Variants in PDE7B observed in about 807,000 individuals in gnomAD.
PDE7B encodes 3',5'-cyclic-AMP phosphodiesterase 7B.
Under a neutral mutation model 56.2 loss-of-function variants are expected in PDE7B, and 29 were observed. That is an observed-to-expected ratio of 0.52 (90% CI 0.38 to 0.70). PDE7B has a LOEUF of 0.70. PDE7B is among the 30% of genes least tolerant of loss of function. The probability of loss-of-function intolerance (pLI) is 0.00; values close to 1 mark genes in which losing one functional copy is unlikely to be tolerated. For synonymous variants in PDE7B, 197 were observed against 196.9 expected, an observed-to-expected ratio of 1.00 and a Z score of 0.00; for missense variants, 490 against 565.0, an observed-to-expected ratio of 0.87 and a Z score of 1.35.
intron 2 of PDE7B, among the ~76,000 whole-genome samples, chr6:136,103,263 A>G (rs1317537791): frequency 2.0e-5 from 3 of 152,216 alleles, no homozygotes; most frequent in Non-Finnish European, 4.4e-5. Flanking sequence ...GGGTCTAATC[A>G]GCCATCTTGG....
At chr6:136,044,818 T>A (rs1340755986) in intron 2 of PDE7B, 1 of 152,064 alleles carries the variant, frequency 6.6e-6, no homozygotes, top group Non-Finnish European at 1.5e-5. Context: ...GTGCAAAAGG[T>A]GTGTGTTTAC....
Position 136,151,161 on chromosome 6 carries a change from A to C in PDE7B, c.384A>C (p.Gly128=), listed in dbSNP as rs756866168. The C allele has an allele frequency of 1.9e-6, 3 of 1,587,014 alleles. No individual in the cohort carries two copies. The South Asian group carries it at 3.3e-5, about 18-fold the overall frequency. The change falls in exon 6 of 13, where the codon GGA becomes GGC. Residue 128 remains glycine (G), a splice_region_variant and synonymous_variant. Coordinates refer to ENST00000308191, the MANE Select transcript of PDE7B (RefSeq NM_018945.4). ...DIFLFDRLTN[G]NSLVTLLCHL... ...AAGGAAGTGACTGTTTTCCTGCAGG[A>C]AACAGCCTGGTAACACTGTTGTGCC...
chr6:135,983,710 A>C (rs1408996764), intron 2 of PDE7B, among the ~76,000 whole-genome samples: 3 of 152,198 alleles, frequency 2.0e-5, no homozygotes, highest in Non-Finnish European at 4.4e-5. Flanking sequence ...CTTCCCAAGA[A>C]AGTGATTCTC....
At chr6:135,956,333 T>A (rs1429250544) in intron 2 of PDE7B, among the ~76,000 whole-genome samples, 1 of 152,134 alleles carries the variant, frequency 6.6e-6, no homozygotes, top group Admixed American at 6.6e-5. Context: ...TAAAATACTG[T>A]AGAGGTCAAA....
rs185050482 is a variant in PDE7B at position 135,939,313 on chromosome 6, G to A, written c.22-8151G>A. On this transcript the variant is annotated intron_variant, in intron 1 of 12. Transcript: ENST00000308191. ...TTTTTCTTTTTTTTCTTTTGCTGGT[G>A]TGTCTCTTATTTTGACTGGCTGAGG... Among the ~76,000 whole-genome samples the A allele has an allele frequency of 1.9e-3, 284 of 152,154 alleles. 1 individual carries two copies. Among genetic ancestry groups the A allele is most frequent in the Admixed American group, 3.9e-3 (59 of 15,268 alleles).
intron 2 of PDE7B, among the ~76,000 whole-genome samples, chr6:136,022,391 T>A (rs1776087096): frequency 6.6e-6 from 1 of 152,224 alleles, no homozygotes. Flanking sequence ...TGCTTAATGA[T>A]GTTAAATTCA....
intron 8 of PDE7B, 114 bp from the exon 9 acceptor site, chr6:136,173,683 G>T: frequency 1.4e-6 from 1 of 716,102 alleles, no homozygotes; most frequent in Admixed American, 2.2e-5. Flanking sequence ...CTGCCTCTGG[G>T]TCATCAAGTA....
At chr6:136,143,950 A>G (rs1778369996) in intron 3 of PDE7B, among the ~76,000 whole-genome samples, 1 of 152,068 alleles carries the variant, frequency 6.6e-6, no homozygotes, top group Non-Finnish European at 1.5e-5. Flanking sequence ...TTTATTATAT[A>G]AATATAGGTA....
intron 2 of PDE7B, chr6:136,047,589 GA>G (rs770632368): frequency 6.6e-6 from 1 of 152,136 alleles, no homozygotes; most frequent in Non-Finnish European, 1.5e-5. Flanking sequence ...AAAATTGTTA[GA>G]AACATACTAG....
chr6:135,940,809 A>C (rs1343201888), intron 1 of PDE7B, among the ~76,000 whole-genome samples: 1 of 152,196 alleles, frequency 6.6e-6, no homozygotes, highest in Non-Finnish European at 1.5e-5. Context: ...GTCCTGGAAA[A>C]ATAATCTCTT....
intron 3 of PDE7B, among the ~76,000 whole-genome samples, chr6:136,127,724 A>G (rs1478299285): frequency 6.6e-6 from 1 of 152,222 alleles, no homozygotes; most frequent in Non-Finnish European, 1.5e-5. Context: ...TACTTTAAAA[A>G]TTAAGCCTCT....
intron 1 of PDE7B, among the ~76,000 whole-genome samples, chr6:135,877,904 C>T (rs1410854521): frequency 2.0e-5 from 3 of 152,214 alleles, no homozygotes; most frequent in South Asian, 2.1e-4. Context: ...TGAAGGAGCT[C>T]GTATATTTAT....
At chr6:136,160,132 A>C (rs779095361) in intron 8 of PDE7B, among the ~76,000 whole-genome samples, 8 of 152,178 alleles carry the variant, frequency 5.3e-5, no homozygotes, top group African/African-American at 9.7e-5. Flanking sequence ...TTACTCCTTC[A>C]ACTTTAAGAT....
intron 2 of PDE7B, among the ~76,000 whole-genome samples, chr6:135,952,704 C>T (rs925584143): frequency 1.3e-5 from 2 of 152,052 alleles, no homozygotes; most frequent in Non-Finnish European, 2.9e-5. Flanking sequence ...GATGCAAGAC[C>T]ACTCTCAAAA....
At chr6:135,866,255 T>C (rs192777742) in intron 1 of PDE7B, among the ~76,000 whole-genome samples, 1 of 152,306 alleles carries the variant, frequency 6.6e-6, no homozygotes, top group East Asian at 1.9e-4. Context: ...GTTTTATTTG[T>C]ACCCACATCT....
chr6:135,934,371 A>G (rs1476947971), intron 1 of PDE7B, among the ~76,000 whole-genome samples: 1 of 152,044 alleles, frequency 6.6e-6, no homozygotes, highest in Non-Finnish European at 1.5e-5. Flanking sequence ...TTTAAAACAA[A>G]TTTTATTTAT....
intron 3 of PDE7B, among the ~76,000 whole-genome samples, chr6:136,143,105 T>C (rs1778355304): frequency 6.6e-6 from 1 of 152,140 alleles, no homozygotes; most frequent in Non-Finnish European, 1.5e-5. Context: ...TTCCTTTCCA[T>C]GTTTAGTGCT....
At position 136,068,362 on chromosome 6, in the gene PDE7B, A is replaced by G. The variant is rs554584861; in HGVS notation, c.83-40369A>G. The stretch of plus-strand genomic sequence containing the variant: ...AGGCAATTGGTTGAAAAATCTAAAG[A>G]CCTGGAATCAATAGAAGGGAGTGCC... On this transcript the variant is annotated intron_variant, in intron 2 of 12. Transcript: ENST00000308191. Among the ~76,000 whole-genome samples the G allele has an allele frequency of 1.3e-4, 19 of 150,146 alleles. No individual in the cohort carries two copies. The East Asian group carries it at 3.6e-3, about 28-fold the overall frequency.
intron 2 of PDE7B, among the ~76,000 whole-genome samples, chr6:136,108,436 G>T (rs905872901): frequency 1.3e-5 from 2 of 152,080 alleles, no homozygotes; most frequent in African/African-American, 4.8e-5. Flanking sequence ...TTGTCTCTGT[G>T]GCCCTGGGAA....
Sources: allele counts gnomAD v4.1 joint callset (sites outside exome capture counted in the v4.1 genomes callset), GRCh38; gene constraint gnomAD v4.1.1; transcripts MANE v1.5; gene names NCBI Gene and HGNC (gene_info 2026-07-23, HGNC 2026-07-21).